The following PPP1R12B variants were observed in gnomAD, a reference collection of about 807,000 sequenced individuals.
The protein encoded by PPP1R12B is myosin phosphatase target subunit 2.
Under a neutral mutation model 126.1 loss-of-function variants are expected in PPP1R12B, and 76 were observed. The ratio of observed to expected loss-of-function variants is 0.60; its 90% CI spans 0.50 to 0.73. The LOEUF (loss-of-function observed/expected upper bound fraction) is 0.73, where lower values mean the gene tolerates loss of function less well. Ranked by LOEUF, PPP1R12B falls within the 30% of genes least tolerant of loss-of-function variation. PPP1R12B has a pLI of 0.00. For synonymous variants in PPP1R12B, 356 were observed against 434.7 expected, an observed-to-expected ratio of 0.82 and a Z score of 2.25; for missense variants, 1,052 against 1,205.1, an observed-to-expected ratio of 0.87 and a Z score of 1.88.
At position 202,425,624 on chromosome 1, in the gene PPP1R12B, C is replaced by T; in HGVS notation, c.600C>T (p.Arg200=). 1 of 1,613,938 alleles carries T rather than the reference C, an allele frequency of 6.2e-7. No individual in the cohort carries two copies. Among genetic ancestry groups the T allele is most frequent in the Non-Finnish European group, 8.5e-7 (1 of 1,179,838 alleles). Residue 200 remains arginine (R), a synonymous_variant, in exon 4 of 24, where the codon CGC becomes CGT. Transcript: ENST00000608999. ...AGCAGCAGATGTTGCAGGATGCCCG[C>T]CAGTGGCTCAACAGTGGGAAAATAG... ...EEEQQMLQDA[R]QWLNSGKIED...
Position 202,416,794 on chromosome 1 carries a change from T to C in PPP1R12B, c.299T>C (p.Ile100Thr). ...ATGGACTTTTCTTTTCAGGCATGTA[T>C]TGATGAAAATTTGGACATGGTGAAG... Reference protein sequence around the residue: ...DGLTALHQACIDENLDMVKFL... With the variant: ...DGLTALHQACTDENLDMVKFL... The change falls in exon 2 of 24, where the codon ATT becomes ACT. Residue 100 changes from isoleucine (I) to threonine (T), a missense_variant. Physicochemically the swap from Ile to Thr is moderately conservative, Grantham distance 89. Coordinates refer to ENST00000608999, the MANE Select transcript of PPP1R12B (RefSeq NM_002481.4). The C allele has an allele frequency of 1.2e-6, 2 of 1,613,726 alleles. No individual in the cohort carries two copies. Among genetic ancestry groups the C allele is most frequent in the South Asian group, 1.1e-5 (1 of 91,022 alleles).
chr1:202,567,754 C>T, intron 21 of PPP1R12B, 24 bp from the exon 22 acceptor site: 1 of 1,612,976 alleles, frequency 6.2e-7, no homozygotes, highest in African/African-American at 1.3e-5. Context: ...TAAATAACAA[C>T]TGTTTTCCTT....
intron 13 of PPP1R12B, among the ~76,000 whole-genome samples, chr1:202,450,761 A>C (rs1370805947): frequency 6.6e-6 from 1 of 152,160 alleles, no homozygotes; most frequent in African/African-American, 2.4e-5. Flanking sequence ...TTTGGTTATA[A>C]TAGCTTTGTG....
chr1:202,548,800 C>CTA (rs1685963363), intron 18 of PPP1R12B, among the ~76,000 whole-genome samples: 5 of 104,728 alleles, frequency 4.8e-5, no homozygotes, highest in African/African-American at 1.3e-4. Context: ...CTCTCTCTCT[C>CTA]TCTCTCTCTA....
rs141942677 is a variant in PPP1R12B, at chr1:202,383,417, A to G, written c.292-33370A>G. Among the ~76,000 whole-genome samples the G allele has an allele frequency of 9.2e-5, 14 of 152,250 alleles. No homozygotes were observed. In the East Asian group the frequency reaches 2.3e-3, roughly 25 times the overall value. Reference sequence around the variant, plus strand: ...ATCATATTCTATGTATCCTTTTGCTATGTGCTTTTTAAAATTTCCCATATG... The same window carrying G: ...ATCATATTCTATGTATCCTTTTGCTGTGTGCTTTTTAAAATTTCCCATATG... On this transcript the variant is annotated intron_variant, in intron 1 of 23. Transcript: ENST00000608999.
intron 18 of PPP1R12B, among the ~76,000 whole-genome samples, chr1:202,555,369 A>G (rs1446068416): frequency 8.0e-6 from 1 of 124,498 alleles, no homozygotes; most frequent in African/African-American, 2.8e-5. Context: ...TTTCGTCACC[A>G]TAGAGGCAGC....
At chr1:202,485,921 A>G (rs920630257) in intron 13 of PPP1R12B, among the ~76,000 whole-genome samples, 2 of 152,146 alleles carry the variant, frequency 1.3e-5, no homozygotes, top group Non-Finnish European at 2.9e-5. Flanking sequence ...TGGCTCTGTC[A>G]ACCAGGCTGA....
chr1:202,406,574 G>A (rs181801100), intron 1 of PPP1R12B, among the ~76,000 whole-genome samples: 357 of 152,318 alleles, frequency 2.3e-3, no homozygotes, highest in Non-Finnish European at 3.0e-3. Flanking sequence ...TAGGTAGAAA[G>A]CATTTAGGTG....
intron 23 of PPP1R12B, among the ~76,000 whole-genome samples, 160 bp from the exon 24 acceptor site, chr1:202,580,314 A>G (rs544139499): frequency 2.0e-5 from 3 of 152,350 alleles, no homozygotes; most frequent in Non-Finnish European, 4.4e-5. Flanking sequence ...ATAAAAAGGA[A>G]GATTGAAGGG....
chr1:202,551,680 T>A (rs558296375), intron 18 of PPP1R12B, among the ~76,000 whole-genome samples: 1 of 151,942 alleles, frequency 6.6e-6, no homozygotes, highest in Admixed American at 6.5e-5. Context: ...GTTAGGGAGG[T>A]TTTCCTGGGT....
At chr1:202,572,361 A>C (rs563886313) in intron 23 of PPP1R12B, among the ~76,000 whole-genome samples, 1 of 152,318 alleles carries the variant, frequency 6.6e-6, no homozygotes, top group African/African-American at 2.4e-5. Context: ...AAGGAAAGAA[A>C]GTGACTTCAG....
chr1:202,491,745 TCC>T (rs1329693674), intron 14 of PPP1R12B, among the ~76,000 whole-genome samples: 1 of 152,088 alleles, frequency 6.6e-6, no homozygotes, highest in Non-Finnish European at 1.5e-5. Context: ...GGAGTGAAGG[TCC>T]ATGTCAAAAC....
intron 1 of PPP1R12B, among the ~76,000 whole-genome samples, chr1:202,361,509 G>A (rs1377976157): frequency 2.6e-5 from 4 of 152,180 alleles, no homozygotes; most frequent in Non-Finnish European, 4.4e-5. Context: ...AGGACACCAT[G>A]CCATTTATGA....
In PPP1R12B at chr1:202,348,772, A is replaced by G; in HGVS notation, c.-80A>G. 6.7e-7 allele frequency: 1 copy of G among 1,493,246 alleles called. No individual in the cohort carries two copies. Among genetic ancestry groups the G allele is most frequent in the Non-Finnish European group, 8.9e-7 (1 of 1,121,074 alleles). The allele number at this position is 1,493,246 out of a possible 1,614,324, so 92.5% of individuals were successfully genotyped here. On this transcript the variant is annotated 5_prime_UTR_variant, in exon 1 of 24. Transcript: ENST00000608999. ...CTCTGCTCCGGGCTGAAGCGCTCTG[A>G]GAGAGGCGGCAGCGGCAACTCGAGC... is the stretch of plus-strand genomic sequence containing the variant.
intron 19 of PPP1R12B, 39 bp from the exon 20 acceptor site, chr1:202,562,739 C>G (rs1344529312): frequency 1.9e-6 from 3 of 1,598,042 alleles, no homozygotes; most frequent in Non-Finnish European, 2.6e-6. Context: ...CTACTTTGTT[C>G]TCAAAACCAA....
intron 20 of PPP1R12B, among the ~76,000 whole-genome samples, chr1:202,563,788 A>G (rs2149015572): frequency 6.6e-6 from 1 of 152,248 alleles, no homozygotes; most frequent in South Asian, 2.1e-4. Flanking sequence ...AATATTTAGG[A>G]TGGGCATGGT....
chr1:202,576,137 G>A (rs1240149180), intron 23 of PPP1R12B: 1 of 152,226 alleles, frequency 6.6e-6, no homozygotes, highest in Non-Finnish European at 1.5e-5. Flanking sequence ...CATGGAGCCA[G>A]GCCCTCTCTA....
intron 13 of PPP1R12B, 103 bp downstream of exon 13, chr1:202,449,274 A>C (rs1387938794): frequency 2.1e-6 from 3 of 1,455,302 alleles, no homozygotes; most frequent in African/African-American, 2.9e-5. Context: ...GTTTATGAAA[A>C]TATGTCTTTT....
intron 18 of PPP1R12B, among the ~76,000 whole-genome samples, chr1:202,557,016 C>T: frequency 6.6e-6 from 1 of 152,208 alleles, no homozygotes; most frequent in East Asian, 1.9e-4. Flanking sequence ...GAGACAAGGC[C>T]TCACTCTGTC....
Sources: gnomAD v4.1 joint callset for allele counts (sites outside exome capture counted in the v4.1 genomes callset) on GRCh38, gnomAD v4.1.1 for gene constraint, MANE v1.5 for transcripts, NCBI Gene and HGNC (gene_info 2026-07-23, HGNC 2026-07-21) for gene names.